PAX8: variants seen among roughly 807,000 people sequenced by gnomAD.
The protein encoded by PAX8 is paired box 8, also known as paired box protein Pax-8.
In PAX8, 15 loss-of-function variants were observed where a neutral mutation model predicts 52.4. The observed-to-expected ratio is 0.29, with a 90% confidence interval of 0.19 to 0.44. The LOEUF (loss-of-function observed/expected upper bound fraction) is 0.44. PAX8 is among the 20% of genes least tolerant of loss of function. PAX8 has a pLI of 1.00. For synonymous variants in PAX8, 284 were observed against 249.7 expected (o/e 1.14, Z -1.29); for missense variants, 554 against 602.5 (o/e 0.92, Z 0.84).
At chr2:113,262,180 A>G (rs1457569581) in intron 2 of PAX8, among the ~76,000 whole-genome samples, 1 of 151,670 alleles carries the variant, frequency 6.6e-6, no homozygotes, top group African/African-American at 2.4e-5. Flanking sequence ...TGTTTTCTTA[A>G]GTGTTTTTTA....
intron 2 of PAX8, among the ~76,000 whole-genome samples, chr2:113,261,881 C>T (rs1272369243): frequency 6.6e-6 from 1 of 151,022 alleles, no homozygotes; most frequent in Non-Finnish European, 1.5e-5. Context: ...TGAAGTGGTG[C>T]GATCTCGGCT....
At chr2:113,258,985 C>G (rs947086439) in intron 2 of PAX8, among the ~76,000 whole-genome samples, 1 of 152,094 alleles carries the variant, frequency 6.6e-6, no homozygotes, top group African/African-American at 2.4e-5. Flanking sequence ...TGGAGCCAAG[C>G]TGGAGACCTT....
Position 113,218,061 on chromosome 2 carries a change from G to C in PAX8, c.*472C>G, listed in dbSNP as rs149552415. 2 of 234,210 alleles carry C rather than the reference G, an allele frequency of 8.5e-6. No homozygotes were observed. The highest frequency in any genetic ancestry group is 1.7e-5 in the Non-Finnish European group (2 of 118,840). The allele number at this position is 234,210 out of a possible 1,614,324, so 14.5% of individuals were successfully genotyped here. ...TGACTCCCTGGGTGGCTGGTGAGGA[G>C]AGCCTCGGCACCAGGCTGTGACTTG... On this transcript the variant is annotated 3_prime_UTR_variant, in exon 12 of 12. Coordinates refer to ENST00000429538, the MANE Select transcript of PAX8 (RefSeq NM_003466.4).
At chr2:113,244,986 G>C (rs1427524813) in intron 3 of PAX8, among the ~76,000 whole-genome samples, 1 of 152,092 alleles carries the variant, frequency 6.6e-6, no homozygotes, top group Non-Finnish European at 1.5e-5. Flanking sequence ...GAATGACAGG[G>C]GCACAGCAGT....
intron 2 of PAX8, among the ~76,000 whole-genome samples, chr2:113,262,235 T>C (rs572963619): frequency 6.6e-6 from 1 of 152,262 alleles, no homozygotes; most frequent in African/African-American, 2.4e-5. Flanking sequence ...AGGCTGGTCT[T>C]GAACTCCTGG....
At position 113,241,704 on chromosome 2, in the gene PAX8, T is replaced by A; in HGVS notation, c.624A>T (p.Leu208=). 1 of 1,614,108 alleles carries A rather than the reference T, an allele frequency of 6.2e-7. No homozygotes were observed. Among genetic ancestry groups the A allele is most frequent in the Non-Finnish European group, 8.5e-7 (1 of 1,180,020 alleles). Residue 208 remains leucine, a synonymous_variant, in exon 7 of 12, where the codon CTA becomes CTT. Coordinates refer to ENST00000429538, the MANE Select transcript of PAX8 (RefSeq NM_003466.4). ...TGCTGCTGCTCTGTGAGTCAATGCTTAGTCGGCAGCTATCCTGATCACCTG... is the reference window on the plus strand; with the variant it reads ...TGCTGCTGCTCTGTGAGTCAATGCTAAGTCGGCAGCTATCCTGATCACCTG... The part of the protein sequence containing the change: ...MDDSDQDSCR[L]SIDSQSSSSG...
intron 5 of PAX8, 49 bp downstream of exon 5, chr2:113,242,641 G>T (rs755457102): frequency 8.1e-7 from 1 of 1,233,496 alleles, no homozygotes; most frequent in South Asian, 1.2e-5. Flanking sequence ...TATGCTGAAG[G>T]GGAGGTGTAC....
Position 113,277,374 on chromosome 2 carries a change from G to A in PAX8, c.25+996C>T, listed in dbSNP as rs1296726581. The stretch of plus-strand genomic sequence containing the variant: ...TTGGCTAAATAGAGATCTCAGCCTC[G>A]CTGCGCGCCCGATCCGACCCTCCTT... On this transcript the variant is annotated intron_variant, in intron 2 of 11. Transcript: ENST00000429538. 2.0e-5 allele frequency among the ~76,000 whole-genome samples: 3 copies of A among 152,226 alleles called. No individual in the cohort carries two copies. The East Asian group carries it at 5.8e-4, about 29-fold the overall frequency.
chr2:113,244,249 G>T (rs1691122091), intron 4 of PAX8, among the ~76,000 whole-genome samples, 178 bp downstream of exon 4: 1 of 152,178 alleles, frequency 6.6e-6, no homozygotes. Flanking sequence ...TGGGGCAAGG[G>T]AGGAGGCAGG....
intron 2 of PAX8, among the ~76,000 whole-genome samples, chr2:113,247,317 G>A (rs1691411251): frequency 6.6e-6 from 1 of 151,656 alleles, no homozygotes; most frequent in Non-Finnish European, 1.5e-5. Flanking sequence ...TCTCTTCTGA[G>A]AGTCTCTTTT....
chr2:113,253,151 G>T (rs1318078129), intron 2 of PAX8, among the ~76,000 whole-genome samples: 1 of 152,112 alleles, frequency 6.6e-6, no homozygotes, highest in Non-Finnish European at 1.5e-5. Flanking sequence ...TTCAGTCTAG[G>T]CTTTTTGCTT....
intron 9 of PAX8, among the ~76,000 whole-genome samples, chr2:113,232,195 G>A (rs1320203238): frequency 6.6e-6 from 1 of 152,202 alleles, no homozygotes; most frequent in African/African-American, 2.4e-5. Context: ...CTTGACCAGA[G>A]GCCTCAGGTG....
rs925727173 is a variant in PAX8, at chr2:113,221,321, C to T, written c.1190-1143G>A. The stretch of plus-strand genomic sequence containing the variant: ...GAATGTCCACCCAGCCTTTCAGAAA[C>T]TCACCTACGATTGGGAGCTATGTGG... On this transcript the variant is annotated intron_variant, in intron 10 of 11. Transcript: ENST00000429538. Among the ~76,000 whole-genome samples, 3 of 152,224 alleles carry T rather than the reference C, an allele frequency of 2.0e-5. No homozygotes were observed. The East Asian group carries it at 5.8e-4, about 29-fold the overall frequency.
rs1689070237 is a variant in PAX8 at position 113,217,552 on chromosome 2, G to A, written c.*981C>T. ...TACAGTATATACAGTCAGGCCTTGG[G>A]GGCAGGAGCTGCTGGGGAGCAGAGA... On this transcript the variant is annotated 3_prime_UTR_variant, in exon 12 of 12. Coordinates refer to ENST00000429538, the MANE Select transcript of PAX8 (RefSeq NM_003466.4). 1 of 230,972 alleles carries A rather than the reference G, an allele frequency of 4.3e-6. No homozygotes were observed. The highest frequency in any genetic ancestry group is 8.6e-6 in the Non-Finnish European group (1 of 116,538). The allele number at this position is 230,972 out of a possible 1,614,324, so 14.3% of individuals were successfully genotyped here.
intron 2 of PAX8, chr2:113,250,841 G>A (rs1253042541): frequency 6.6e-6 from 1 of 152,214 alleles, no homozygotes; most frequent in East Asian, 1.9e-4. Flanking sequence ...CCTTTTGGGG[G>A]ATATGATAAG....
chr2:113,241,403 T>G, intron 7 of PAX8, 148 bp downstream of exon 7: 1 of 769,526 alleles, frequency 1.3e-6, no homozygotes, highest in Non-Finnish European at 2.2e-6. Context: ...AAATAAAGCA[T>G]GTGTCAGGCT....
intron 2 of PAX8, chr2:113,266,146 G>A (rs2104582586): frequency 6.6e-6 from 1 of 152,326 alleles, no homozygotes; most frequent in East Asian, 1.9e-4. Flanking sequence ...TGGATGACTG[G>A]GAATAGAAGC....
intron 1 of PAX8, 100 bp from the exon 2 acceptor site, chr2:113,278,569 G>A: frequency 1.9e-6 from 2 of 1,074,936 alleles, no homozygotes; most frequent in East Asian, 2.7e-5. Flanking sequence ...TGCATCGTCT[G>A]CCAGGAGTAG....
At chr2:113,242,850 T>C (rs2104491299) in intron 4 of PAX8, 72 bp from the exon 5 acceptor site, 2 of 1,257,800 alleles carry the variant, frequency 1.6e-6, no homozygotes, top group East Asian at 4.6e-5. Flanking sequence ...CCAGACCCAG[T>C]CGCCTTTTTG....
Sources: gnomAD v4.1 joint callset for allele counts (sites outside exome capture counted in the v4.1 genomes callset) on GRCh38, gnomAD v4.1.1 for gene constraint, MANE v1.5 for transcripts, NCBI Gene and HGNC (gene_info 2026-07-23, HGNC 2026-07-21) for gene names.